Variants in RHCG observed in about 807,000 individuals in gnomAD.
The protein encoded by RHCG is ammonium transporter Rh type C.
RHCG carries 39 observed loss-of-function variants against 55.3 expected under a neutral mutation model. The ratio of observed to expected loss-of-function variants is 0.70; its 90% CI spans 0.55 to 0.92. The LOEUF is 0.92. Ranked by LOEUF, RHCG falls within the 40% of genes least tolerant of loss-of-function variation. RHCG has a pLI of 0.00. For synonymous variants in RHCG, 250 were observed against 246.8 expected (o/e 1.01, Z -0.12); for missense variants, 635 against 627.9 (o/e 1.01, Z -0.12).
At position 89,477,270 on chromosome 15, in the gene RHCG, C is replaced by T. The variant is rs1012350019; in HGVS notation, c.1113-64G>A. ...GAGGCCAAGTAACAGCTTGCTGCCA[C>T]CCCAAAAATGTGACCGGGTACCACG... On this transcript the variant is annotated intron_variant, in intron 7 of 10. Coordinates refer to ENST00000268122, the MANE Select transcript of RHCG (RefSeq NM_016321.3). This position sits in a 1 kb window ranked among gnomAD's most constrained non-coding sequence, Gnocchi z 4.5. 6.9e-6 allele frequency: 11 copies of T among 1,598,588 alleles called. No individual in the cohort carries two copies. The African/African-American group carries it at 1.2e-4, about 18-fold the overall frequency.
At chr15:89,478,622 A>G (rs1287624498) in intron 5 of RHCG, among the ~76,000 whole-genome samples, 1 of 152,032 alleles carries the variant, frequency 6.6e-6, no homozygotes, top group African/African-American at 2.4e-5. Context: ...ACCCTATTCC[A>G]TGTCCCTTCC....
chr15:89,474,808 TCCTTCCTGCCTG>T lies in RHCG; in HGVS notation c.1311+1935_1311+1946del, dbSNP rs1961104900. ...TGCCTTCCTTCCTTCCTGCCTGCCT[TCCTTCCTGCCTG>T]CCTTCCTTCCTGCCTGCCTTCCTTC... is the stretch of plus-strand genomic sequence containing the variant. On this transcript the variant is annotated intron_variant, in intron 9 of 10. Coordinates refer to ENST00000268122, the MANE Select transcript of RHCG (RefSeq NM_016321.3). Among the ~76,000 whole-genome samples the T allele has an allele frequency of 1.3e-3, 162 of 124,988 alleles. 13 individuals carry two copies. The highest frequency in any genetic ancestry group is 4.0e-3 in the African/African-American group (138 of 34,658). 82.0% of individuals were successfully genotyped at this position (124,988 alleles called of 152,430 possible).
chr15:89,486,591 AGAGAGAGAGTGTGT>A (rs1961367613), intron 2 of RHCG, 194 bp downstream of exon 2: 3 of 471,590 alleles, frequency 6.4e-6, no homozygotes, highest in Non-Finnish European at 1.2e-5. Flanking sequence ...AGAGAGAGAG[AGAGAGAGAGTGTGT>A]GTGTGTGTGT....
At chr15:89,488,773 T>TG (rs111712825) in intron 1 of RHCG, among the ~76,000 whole-genome samples, 2,028 of 113,666 alleles carry the variant, frequency 0.018, 32 homozygotes, top group East Asian at 0.034. Flanking sequence ...GCTGGGAGAA[T>TG]GGGGGGGGGG....
Position 89,491,374 on chromosome 15 carries a change from C to T in RHCG, c.185-4389G>A, listed in dbSNP as rs150448304. The stretch of plus-strand genomic sequence containing the variant: ...TCCTTGGGCACCTCCCCAATTTGTC[C>T]TCTTGCTTCCCATCTCTTTATCTGT... On this transcript the variant is annotated intron_variant, in intron 1 of 10. Transcript: ENST00000268122. Among the ~76,000 whole-genome samples, 12 of 152,346 alleles carry T rather than the reference C, an allele frequency of 7.9e-5. No individual in the cohort carries two copies. In the East Asian group the frequency reaches 2.3e-3, roughly 29 times the overall value.
Position 89,496,550 on chromosome 15 carries a change from AG to A in RHCG, c.-7del, listed in dbSNP as rs201440647. 0.023 allele frequency: 36,526 copies of A among 1,606,840 alleles called. 494 individuals are homozygous for A. The highest frequency in any genetic ancestry group is 0.026 in the Non-Finnish European group (31,154 of 1,176,590). On this transcript the variant is annotated 5_prime_UTR_variant, in exon 1 of 11. Coordinates refer to ENST00000268122, the MANE Select transcript of RHCG (RefSeq NM_016321.3). ...AGGTTGGTGTTCCAGGCCATGCTGCAGGGGTGCCTGGCCGGGCTGGCAGCGG... is the reference window on the plus strand; with the variant it reads ...AGGTTGGTGTTCCAGGCCATGCTGCAGGGTGCCTGGCCGGGCTGGCAGCGG...
chr15:89,494,113 T>A (rs1358546151), intron 1 of RHCG, among the ~76,000 whole-genome samples: 2 of 152,020 alleles, frequency 1.3e-5, no homozygotes, highest in African/African-American at 4.8e-5. Context: ...AACCCTACTC[T>A]TGGGCCACAC....
intron 9 of RHCG, among the ~76,000 whole-genome samples, chr15:89,473,333 G>A (rs902835703): frequency 6.6e-6 from 1 of 152,154 alleles, no homozygotes; most frequent in African/African-American, 2.4e-5. Context: ...GGCCAGAAGT[G>A]GGTAGAGAGG....
At chr15:89,487,438 TA>T (rs1334319784) in intron 1 of RHCG, among the ~76,000 whole-genome samples, 1 of 152,178 alleles carries the variant, frequency 6.6e-6, no homozygotes, top group African/African-American at 2.4e-5. Flanking sequence ...CTAAGGTCGA[TA>T]GCCCAGACCG....
chr15:89,474,117 G>C (rs535369804), intron 9 of RHCG, among the ~76,000 whole-genome samples: 1 of 152,052 alleles, frequency 6.6e-6, no homozygotes, highest in South Asian at 2.1e-4. Context: ...ATACTAAATT[G>C]GGTGAATAAT....
At chr15:89,495,671 G>T (rs1159835523) in intron 1 of RHCG, among the ~76,000 whole-genome samples, 1 of 152,172 alleles carries the variant, frequency 6.6e-6, no homozygotes, top group East Asian at 1.9e-4. Flanking sequence ...AGCTTTACAT[G>T]CACTTCCTCG....
intron 1 of RHCG, among the ~76,000 whole-genome samples, chr15:89,491,929 T>A (rs1262975812): frequency 6.6e-6 from 1 of 152,176 alleles, no homozygotes; most frequent in Non-Finnish European, 1.5e-5. Flanking sequence ...CTGCAGAGCT[T>A]TGTAGCACAC....
chr15:89,476,971 A>G (rs913570642), intron 8 of RHCG, 111 bp downstream of exon 8: 6 of 1,560,508 alleles, frequency 3.8e-6, no homozygotes, highest in Non-Finnish European at 5.3e-6. Context: ...AAGTGCAGAG[A>G]TCAGGGATTC....
At chr15:89,484,615 A>G (rs561892446) in intron 2 of RHCG, among the ~76,000 whole-genome samples, 1 of 152,136 alleles carries the variant, frequency 6.6e-6, no homozygotes, top group South Asian at 2.1e-4. Flanking sequence ...CCCCATCTCT[A>G]CTAAAAATAC....
chr15:89,478,579 C>A (rs1222121425), intron 5 of RHCG, among the ~76,000 whole-genome samples: 1 of 152,146 alleles, frequency 6.6e-6, no homozygotes, highest in Non-Finnish European at 1.5e-5. Context: ...GTGTCTTGAT[C>A]CAGGTTGTGT....
At position 89,471,517 on chromosome 15, in the gene RHCG, G is replaced by A. The variant is rs11558591; in HGVS notation, c.*363C>T. 1,101 of 152,524 alleles carry A rather than the reference G, an allele frequency of 7.2e-3. 20 individuals are homozygous for A. The highest frequency in any genetic ancestry group is 0.042 in the East Asian group (217 of 5,186). The allele number at this position is 152,524 out of a possible 1,614,324, so 9.4% of individuals were successfully genotyped here. On this transcript the variant is annotated 3_prime_UTR_variant, in exon 11 of 11. Transcript: ENST00000268122. ...GAGATGCTGGCCGAGGTGCAGGCACGGGGTAGAAGAGCCTCATAGGTGGTG... is the reference window on the plus strand; with the variant it reads ...GAGATGCTGGCCGAGGTGCAGGCACAGGGTAGAAGAGCCTCATAGGTGGTG...
intron 2 of RHCG, chr15:89,486,227 C>T: frequency 2.2e-6 from 1 of 456,468 alleles, no homozygotes; most frequent in South Asian, 1.5e-5. Flanking sequence ...CACCTGTTCC[C>T]TGGGGTGGGT....
At position 89,496,583 on chromosome 15, in the gene RHCG, C is replaced by A; in HGVS notation, c.-39G>T. On this transcript the variant is annotated 5_prime_UTR_variant, in exon 1 of 11. Coordinates refer to ENST00000268122, the MANE Select transcript of RHCG (RefSeq NM_016321.3). ...CTGGCCGGGCTGGCAGCGGGCGGTTCGGACGCTCGGAGGCCGGCGGGGCTT... is the reference window on the plus strand; with the variant it reads ...CTGGCCGGGCTGGCAGCGGGCGGTTAGGACGCTCGGAGGCCGGCGGGGCTT... 6.3e-7 allele frequency: 1 copy of A among 1,585,078 alleles called. No individual in the cohort carries two copies. Among genetic ancestry groups the A allele is most frequent in the Non-Finnish European group, 8.6e-7 (1 of 1,166,742 alleles).
intron 1 of RHCG, among the ~76,000 whole-genome samples, chr15:89,491,094 C>T (rs1005891855): frequency 2.6e-5 from 4 of 152,018 alleles, no homozygotes; most frequent in African/African-American, 7.2e-5. Flanking sequence ...CTGGCAGGGG[C>T]GAAGCTGAAG....
Sources: allele counts gnomAD v4.1 joint callset (sites outside exome capture counted in the v4.1 genomes callset), GRCh38; gene constraint gnomAD v4.1.1; non-coding constraint Gnocchi (gnomAD v3.1); transcripts MANE v1.5; gene names NCBI Gene and HGNC (gene_info 2026-07-23, HGNC 2026-07-21).